Variants in SYF2 observed in about 807,000 individuals in gnomAD.
The protein encoded by SYF2 is SYF2 pre-mRNA splicing factor.
In SYF2, 21 loss-of-function variants were observed where a neutral mutation model predicts 32.7. The observed-to-expected ratio is 0.64, with a 90% confidence interval of 0.45 to 0.92. The LOEUF is 0.92. Among genes scored for constraint, SYF2 ranks in the 40% least tolerant of loss-of-function variants. The probability of loss-of-function intolerance (pLI) is 0.00; values close to 1 mark genes in which losing one functional copy is unlikely to be tolerated. For synonymous variants in SYF2, 114 were observed against 103.9 expected (o/e 1.10, Z -0.59); for missense variants, 278 against 296.5 (o/e 0.94, Z 0.46).
intron 1 of SYF2, 96 bp downstream of exon 1, chr1:25,232,348 C>G (rs772833094): frequency 2.5e-6 from 4 of 1,606,818 alleles, no homozygotes; most frequent in Non-Finnish European, 3.4e-6. Context: ...TCTGAGCCTC[C>G]CTGAAGCGAA....
intron 3 of SYF2, among the ~76,000 whole-genome samples, 175 bp from the exon 4 acceptor site, chr1:25,228,410 C>A (rs1019460591): frequency 1.2e-4 from 19 of 152,194 alleles, no homozygotes; most frequent in Admixed American, 9.2e-4. Context: ...TCTCAGCTCA[C>A]TGCAACCTCC....
rs1255951967 is a variant in SYF2, at chr1:25,232,219, AAGG to A, written c.25-11_25-9del. ...CGCGCTGTCCACCAGCACCTGCGACAAGGAGAACTGGCTTCAGGCAGAGCCGGC... is the reference window on the plus strand; with the variant it reads ...CGCGCTGTCCACCAGCACCTGCGACAAGAACTGGCTTCAGGCAGAGCCGGC... On this transcript the variant is annotated splice_polypyrimidine_tract_variant and intron_variant, in intron 1 of 6. Transcript: ENST00000236273. The A allele has an allele frequency of 6.2e-7, 1 of 1,612,450 alleles. No individual in the cohort carries two copies.
intron 2 of SYF2, chr1:25,231,786 T>C (rs1032318724): frequency 1.2e-5 from 5 of 434,566 alleles, no homozygotes; most frequent in Non-Finnish European, 2.1e-5. Flanking sequence ...TCTACATATT[T>C]CCCTAGGTAA....
Position 25,232,159 on chromosome 1 carries a change from G to A in SYF2, c.77C>T (p.Ala26Val), listed in dbSNP as rs563835650. 2 of 1,613,682 alleles carry A rather than the reference G, an allele frequency of 1.2e-6. No homozygotes were observed. Among genetic ancestry groups the A allele is most frequent in the African/African-American group, 2.7e-5 (2 of 74,916 alleles). Residue 26 changes from alanine (A) to valine (V), a missense_variant, in exon 2 of 7, where the codon GCC becomes GTC. Ala to Val is a moderately conservative substitution (Grantham distance 64, BLOSUM62 0). Coordinates refer to ENST00000236273, the MANE Select transcript of SYF2 (RefSeq NM_015484.5). ...CAGTCTCTGTTCGCGCTTCTGAGCG[G>A]CCAGCTCCGCCGCCGCAGCGAGGGA... ...EGSLAAAAEL[A>V]AQKREQRLRK...
chr1:25,232,497 A>G lies in SYF2; in HGVS notation c.-30T>C. 4 of 1,614,146 alleles carry G rather than the reference A, an allele frequency of 2.5e-6. No homozygotes were observed. The highest frequency in any genetic ancestry group is 2.5e-6 in the Non-Finnish European group (3 of 1,180,024). On this transcript the variant is annotated 5_prime_UTR_variant, in exon 1 of 7. Coordinates refer to ENST00000236273, the MANE Select transcript of SYF2 (RefSeq NM_015484.5). ...ACCTTTCTCTCTTCCCACTTCCGGC[A>G]ACAAGATAGAGCACTTCCGTCAACC...
intron 5 of SYF2, 23 bp downstream of exon 5, chr1:25,227,419 C>T (rs1638533904): frequency 8.8e-6 from 14 of 1,590,962 alleles, no homozygotes; most frequent in South Asian, 1.1e-5. Flanking sequence ...ATCCACATCA[C>T]CTCAGGTTGA....
intron 3 of SYF2, among the ~76,000 whole-genome samples, chr1:25,228,715 A>C (rs990170201): frequency 1.3e-5 from 2 of 152,264 alleles, no homozygotes; most frequent in Non-Finnish European, 2.9e-5. Context: ...AGTGTTTATC[A>C]GGTGTCAGAC....
chr1:25,225,027 T>C lies in SYF2; in HGVS notation c.541A>G (p.Arg181Gly). The C allele has an allele frequency of 6.2e-7, 1 of 1,613,996 alleles. No homozygotes were observed. Among genetic ancestry groups the C allele is most frequent in the Non-Finnish European group, 8.5e-7 (1 of 1,179,848 alleles). The change falls in exon 6 of 7, where the codon AGG becomes GGG. Residue 181 changes from arginine to glycine, a missense_variant. Transcript: ENST00000236273. ...THVPSTEEID[R>G]MVIDLEKQIE... ...TGTTTTTCCAGATCTATGACCATCC[T>C]GTCAATTTCCTCTGTGGAAGGCACA... is the stretch of plus-strand genomic sequence containing the variant.
In SYF2 at chr1:25,228,702, T is replaced by C. The variant is rs192470030; in HGVS notation, c.258+296A>G. ...TATATAAGTGAGCACATGATACTTA[T>C]TGAGTGTTTATCAGGTGTCAGACCT... On this transcript the variant is annotated intron_variant, in intron 3 of 6. Transcript: ENST00000236273. 9.2e-5 allele frequency among the ~76,000 whole-genome samples: 14 copies of C among 152,382 alleles called. No homozygotes were observed. The East Asian group carries it at 1.7e-3, about 19-fold the overall frequency.
At position 25,232,215 on chromosome 1, in the gene SYF2, C is replaced by A; in HGVS notation, c.25-4G>T. ...CCTCCGCGCTGTCCACCAGCACCTG[C>A]GACAAGGAGAACTGGCTTCAGGCAG... On this transcript the variant is annotated splice_region_variant and splice_polypyrimidine_tract_variant and intron_variant, in intron 1 of 6. Coordinates refer to ENST00000236273, the MANE Select transcript of SYF2 (RefSeq NM_015484.5). The A allele has an allele frequency of 6.2e-7, 1 of 1,612,686 alleles. No individual in the cohort carries two copies. The highest frequency in any genetic ancestry group is 1.1e-5 in the South Asian group (1 of 90,932).
chr1:25,228,932 G>A (rs1462963343), intron 3 of SYF2, 66 bp downstream of exon 3: 4 of 1,564,302 alleles, frequency 2.6e-6, no homozygotes, highest in Non-Finnish European at 3.5e-6. Flanking sequence ...CAACCACCAT[G>A]TTGTAGTGTC....
At chr1:25,231,240 G>GT (rs1161523412) in intron 2 of SYF2, 1 of 152,204 alleles carries the variant, frequency 6.6e-6, no homozygotes, top group African/African-American at 2.4e-5. Context: ...AGTCTTCTTT[G>GT]TTTTGTCTCA....
At chr1:25,224,859 T>C (rs759145697) in intron 6 of SYF2, 143 bp downstream of exon 6, 23 of 645,446 alleles carry the variant, frequency 3.6e-5, no homozygotes, top group African/African-American at 3.6e-5. Context: ...CAAGCCACTA[T>C]AGACAGGTCA....
At chr1:25,231,951 C>T in intron 2 of SYF2, 153 bp downstream of exon 2, 1 of 774,560 alleles carries the variant, frequency 1.3e-6, no homozygotes, top group Non-Finnish European at 2.3e-6. Context: ...CAATGTGCTG[C>T]CAGGGTTGAG....
At chr1:25,231,780 C>T in intron 2 of SYF2, 1 of 420,798 alleles carries the variant, frequency 2.4e-6, no homozygotes, top group South Asian at 2.4e-5. Context: ...TCTAGCTCTA[C>T]ATATTTCCCT....
At chr1:25,224,706 AG>A (rs1211613622) in intron 6 of SYF2, among the ~76,000 whole-genome samples, 2 of 148,482 alleles carry the variant, frequency 1.3e-5, no homozygotes, top group African/African-American at 5.3e-5. Flanking sequence ...CAAATCAAAC[AG>A]GGGAGTGGTT....
rs752382540 is a variant in SYF2, at chr1:25,224,982, C to G, written c.566+20G>C. On this transcript the variant is annotated intron_variant, in intron 6 of 6. Coordinates refer to ENST00000236273, the MANE Select transcript of SYF2 (RefSeq NM_015484.5). ...GTCATGAAGTATTTACAACGTCAAG[C>G]TGCTCTACTGAATACTTACTGTTTT... The G allele has an allele frequency of 6.5e-7, 1 of 1,544,798 alleles. No homozygotes were observed. The highest frequency in any genetic ancestry group is 1.1e-5 in the South Asian group (1 of 89,600).
Position 25,232,336 on chromosome 1 carries a change from T to C in SYF2, c.24+108A>G, listed in dbSNP as rs984489772. On this transcript the variant is annotated intron_variant, in intron 1 of 6. Transcript: ENST00000236273. Reference sequence around the variant, plus strand: ...CTCCACCGCCGACTTGACCCCACAGTGTCTGAGCCTCCCTGAAGCGAAACT... The same window carrying C: ...CTCCACCGCCGACTTGACCCCACAGCGTCTGAGCCTCCCTGAAGCGAAACT... 2.5e-6 allele frequency: 4 copies of C among 1,598,946 alleles called. No individual in the cohort carries two copies. In the South Asian group the frequency reaches 4.4e-5, roughly 18 times the overall value.
chr1:25,229,213 A>G, intron 2 of SYF2, 90 bp from the exon 3 acceptor site: 4 of 1,475,250 alleles, frequency 2.7e-6, no homozygotes, highest in Middle Eastern at 1.8e-4. Context: ...CAGGCAGGAC[A>G]TATTAATAAG....
Sources: gnomAD v4.1 joint callset for allele counts (sites outside exome capture counted in the v4.1 genomes callset) on GRCh38, gnomAD v4.1.1 for gene constraint, MANE v1.5 for transcripts, NCBI Gene and HGNC (gene_info 2026-07-23, HGNC 2026-07-21) for gene names.